The following EPDR1 variants were observed in gnomAD, a reference collection of about 807,000 sequenced individuals.
EPDR1 encodes mammalian ependymin-related protein 1.
EPDR1 carries 27 observed loss-of-function variants against 23.7 expected under a neutral mutation model. The ratio of observed to expected loss-of-function variants is 1.14; its 90% CI spans 0.84 to 1.57. The LOEUF (loss-of-function observed/expected upper bound fraction) is 1.57, where lower values mean the gene tolerates loss of function less well. Ranked by LOEUF, EPDR1 falls within the 40% of genes most tolerant of loss-of-function variation. The pLI, the probability that EPDR1 is intolerant of heterozygous loss-of-function variation, is 0.00. For missense variants in EPDR1, 349 were observed against 290.4 expected (o/e 1.20, Z -1.47); for synonymous variants, 137 against 118.2 (o/e 1.16, Z -1.03).
At position 37,943,628 on chromosome 7, in the gene EPDR1, T is replaced by C. The variant is rs369737460; in HGVS notation, c.270-5212T>C. ...TTATATAGTTCTATTTTGTTTTCCA[T>C]TAATTTATTATTTTCAGTTTAACTT... is the stretch of plus-strand genomic sequence containing the variant. On this transcript the variant is annotated intron_variant, in intron 1 of 2. Coordinates refer to ENST00000199448, the MANE Select transcript of EPDR1 (RefSeq NM_017549.5). Among the ~76,000 whole-genome samples, 43 of 152,370 alleles carry C rather than the reference T, an allele frequency of 2.8e-4. No homozygotes were observed. In the East Asian group the frequency reaches 7.5e-3, roughly 27 times the overall value.
chr7:37,921,255 A>G, intron 1 of EPDR1, 47 bp downstream of exon 1: 1 of 1,535,952 alleles, frequency 6.5e-7, no homozygotes, highest in Non-Finnish European at 8.7e-7. Flanking sequence ...CCGCGCGGGC[A>G]TGGGGAGGGC....
chr7:37,925,125 C>T (rs925377963), intron 1 of EPDR1, among the ~76,000 whole-genome samples: 35 of 152,330 alleles, frequency 2.3e-4, no homozygotes, highest in African/African-American at 7.7e-4. Flanking sequence ...TTCCAACTGT[C>T]TTTTCTGACT....
At chr7:37,926,901 A>G in intron 1 of EPDR1, 1 of 254,572 alleles carries the variant, frequency 3.9e-6, no homozygotes, top group Non-Finnish European at 8.3e-6. Flanking sequence ...GTGTGGACTC[A>G]AGCCTTCTAA....
intron 1 of EPDR1, among the ~76,000 whole-genome samples, chr7:37,946,748 T>C (rs1424566809): frequency 6.6e-6 from 1 of 152,174 alleles, no homozygotes; most frequent in Non-Finnish European, 1.5e-5. Context: ...TAACCTTGTG[T>C]AGGCCTGGCT....
chr7:37,923,295 A>G (rs6968251), intron 1 of EPDR1, among the ~76,000 whole-genome samples: 67,218 of 151,916 alleles, frequency 0.44, 14,872 homozygotes, highest in Middle Eastern at 0.48. Context: ...GAAATGGTGA[A>G]CAGGGGGCAA....
chr7:37,943,578 A>G (rs1237683918), intron 1 of EPDR1, among the ~76,000 whole-genome samples: 1 of 152,248 alleles, frequency 6.6e-6, no homozygotes, highest in Non-Finnish European at 1.5e-5. Context: ...TAGCATTTAT[A>G]TCCACATGGG....
At chr7:37,928,432 T>G (rs1379482304) in intron 1 of EPDR1, among the ~76,000 whole-genome samples, 1 of 152,182 alleles carries the variant, frequency 6.6e-6, no homozygotes, top group African/African-American at 2.4e-5. Context: ...TCTTACCAGC[T>G]GAAATCTCAT....
chr7:37,928,534 T>C (rs1194051804), intron 1 of EPDR1, among the ~76,000 whole-genome samples: 1 of 152,208 alleles, frequency 6.6e-6, no homozygotes, highest in Admixed American at 6.5e-5. Flanking sequence ...TTTGTCACCA[T>C]TCTATTGAAA....
chr7:37,930,893 G>A (rs184910709), intron 1 of EPDR1, among the ~76,000 whole-genome samples: 34 of 152,284 alleles, frequency 2.2e-4, no homozygotes, highest in South Asian at 1.4e-3. Context: ...TTTATAGTGT[G>A]TGTGTTTGCA....
At chr7:37,945,379 T>C (rs1378326234) in intron 1 of EPDR1, among the ~76,000 whole-genome samples, 3 of 152,226 alleles carry the variant, frequency 2.0e-5, no homozygotes, top group Non-Finnish European at 4.4e-5. Context: ...TTTACCCTTG[T>C]AAGCCGTTTC....
chr7:37,931,428 T>C (rs11760334), intron 1 of EPDR1, among the ~76,000 whole-genome samples: 65,114 of 151,638 alleles, frequency 0.43, 13,951 homozygotes, highest in Middle Eastern at 0.48. Flanking sequence ...GCAGGAGAAT[T>C]GCTGGAACCT....
intron 1 of EPDR1, among the ~76,000 whole-genome samples, chr7:37,943,046 A>G (rs976314064): frequency 2.6e-5 from 4 of 152,222 alleles, no homozygotes; most frequent in African/African-American, 9.6e-5. Context: ...GGCCTAGCCA[A>G]CCTGACCTTG....
chr7:37,921,301 G>A (rs1785694708), intron 1 of EPDR1, 93 bp downstream of exon 1: 3 of 1,459,496 alleles, frequency 2.1e-6, no homozygotes, highest in African/African-American at 1.5e-5. Flanking sequence ...AACTCTTTCC[G>A]GCCCCTTGCA....
intron 1 of EPDR1, among the ~76,000 whole-genome samples, chr7:37,922,725 G>A (rs531908971): frequency 8.0e-4 from 121 of 151,900 alleles, no homozygotes; most frequent in African/African-American, 2.7e-3. Context: ...TATTTAACAA[G>A]CATTTGTTCA....
At position 37,933,687 on chromosome 7, in the gene EPDR1, T is replaced by C. The variant is rs547241726; in HGVS notation, c.269+12479T>C. On this transcript the variant is annotated intron_variant, in intron 1 of 2. Coordinates refer to ENST00000199448, the MANE Select transcript of EPDR1 (RefSeq NM_017549.5). ...CCTATACCCAGGCCAAGCTCCGGTA[T>C]TTGGGGTTCTAGGATTAGTCAAATA... Among the ~76,000 whole-genome samples the C allele has an allele frequency of 1.4e-4, 21 of 152,232 alleles. No individual in the cohort carries two copies. The East Asian group carries it at 3.9e-3, about 28-fold the overall frequency.
chr7:37,948,398 C>A (rs1016647651), intron 1 of EPDR1, among the ~76,000 whole-genome samples: 1 of 148,716 alleles, frequency 6.7e-6, no homozygotes, highest in African/African-American at 2.5e-5. Context: ...GTATGTAGTG[C>A]GGTGGCATGA....
intron 1 of EPDR1, chr7:37,926,585 A>C: frequency 2.4e-6 from 1 of 413,244 alleles, no homozygotes; most frequent in Admixed American, 2.4e-5. Context: ...CTTGCACTTT[A>C]GTGCTTTTAA....
At position 37,921,418 on chromosome 7, in the gene EPDR1, G is replaced by A. The variant is rs1785700477; in HGVS notation, c.269+210G>A. The A allele has an allele frequency of 2.9e-6, 4 of 1,393,816 alleles. No individual in the cohort carries two copies. In the East Asian group the frequency reaches 1.2e-4, roughly 41 times the overall value. The allele number at this position is 1,393,816 out of a possible 1,614,324, so 86.3% of individuals were successfully genotyped here. The stretch of plus-strand genomic sequence containing the variant: ...GCCCACCGAGGGCGGCCTGCTGGCG[G>A]GGGACTCAGTAACACCCAGCGAGGC... On this transcript the variant is annotated intron_variant, in intron 1 of 2. Transcript: ENST00000199448.
chr7:37,950,606 T>G lies in EPDR1; in HGVS notation c.*210T>G, dbSNP rs1191490683. The G allele has an allele frequency of 1.8e-6, 1 of 565,074 alleles. No homozygotes were observed. The highest frequency in any genetic ancestry group is 2.9e-5 in the East Asian group (1 of 34,906). 35.0% of individuals were successfully genotyped at this position (565,074 alleles called of 1,614,324 possible). ...ATTGAATGGCGAGGGTGTGGCCATA[T>G]GAACTGACTAGATGGCTAATATGGA... On this transcript the variant is annotated 3_prime_UTR_variant, in exon 3 of 3. Coordinates refer to ENST00000199448, the MANE Select transcript of EPDR1 (RefSeq NM_017549.5).
Sources: allele counts gnomAD v4.1 joint callset (sites outside exome capture counted in the v4.1 genomes callset), GRCh38; gene constraint gnomAD v4.1.1; transcripts MANE v1.5; gene names NCBI Gene and HGNC (gene_info 2026-07-23, HGNC 2026-07-21).